Variants in CDH23 observed in about 807,000 individuals in gnomAD.
The protein encoded by CDH23 is cadherin-23.
CDH23 carries 189 observed loss-of-function variants against 317.1 expected under a neutral mutation model. The ratio of observed to expected loss-of-function variants is 0.60; its 90% CI spans 0.53 to 0.67. The LOEUF is 0.67. Among genes scored for constraint, CDH23 ranks in the 30% least tolerant of loss-of-function variants. The pLI is 0.00. For synonymous variants in CDH23, 1,839 were observed against 1,876.8 expected (o/e 0.98, Z 0.52); for missense variants, 4,401 against 4,592.4 (o/e 0.96, Z 1.20).
chr10:71,812,339 A>G, intron 66 of CDH23, 141 bp from the exon 67 acceptor site: 1 of 1,599,142 alleles, frequency 6.3e-7, no homozygotes. Context: ...CATGCACCAC[A>G]GGCACCAGGG....
At chr10:71,568,628 A>C (rs956339750) in intron 7 of CDH23, among the ~76,000 whole-genome samples, 2 of 151,952 alleles carry the variant, frequency 1.3e-5, no homozygotes, top group Non-Finnish European at 2.9e-5. Flanking sequence ...CTTCTGGAGG[A>C]GCTGACACCG....
chr10:71,509,460 A>G (rs546616724), intron 3 of CDH23, among the ~76,000 whole-genome samples: 1 of 152,306 alleles, frequency 6.6e-6, no homozygotes, highest in South Asian at 2.1e-4. Flanking sequence ...GTCTCTCCAT[A>G]CATCATTTGC....
chr10:71,739,451 A>G (rs1023779791), intron 35 of CDH23, among the ~76,000 whole-genome samples, 193 bp from the exon 36 acceptor site: 1 of 152,178 alleles, frequency 6.6e-6, no homozygotes, highest in East Asian at 1.9e-4. Flanking sequence ...CATGGGTGCT[A>G]CACTACCTCC....
chr10:71,575,368 C>T (rs761445936), intron 8 of CDH23, among the ~76,000 whole-genome samples: 5 of 152,040 alleles, frequency 3.3e-5, no homozygotes, highest in African/African-American at 4.8e-5. Flanking sequence ...TCACGTTTAT[C>T]GGCTGCTGAG....
At chr10:71,556,297 G>A (rs746473189) in intron 6 of CDH23, among the ~76,000 whole-genome samples, 4 of 152,140 alleles carry the variant, frequency 2.6e-5, no homozygotes, top group Non-Finnish European at 5.9e-5. Context: ...ATTGCAGGGG[G>A]CAGAGTTGAA....
rs1038347646 is a variant in CDH23, at chr10:71,615,584, C to A, written c.913C>A (p.Leu305Met). The change falls in exon 10 of 70, where the codon CTG (leucine) becomes ATG (methionine). Residue 305 changes from leucine to methionine, a missense_variant. Around this residue, in one of 3 missense-constraint regions of CDH23, gnomAD observed 3,068 missense variants for 3,203.3 expected, o/e 0.96. Transcript: ENST00000224721. ...TGGCCTGCTGGACCGGGAGAACCCC[C>A]TGTACAGCCATGGCTTCATCCTGAC... is the stretch of plus-strand genomic sequence containing the variant. ...LNGLLDRENP[L>M]YSHGFILTVK... 1 of 1,613,988 alleles carries A rather than the reference C, an allele frequency of 6.2e-7. No homozygotes were observed. Among genetic ancestry groups the A allele is most frequent in the Non-Finnish European group, 8.5e-7 (1 of 1,179,856 alleles).
At chr10:71,496,221 G>A (rs1243296354) in intron 3 of CDH23, among the ~76,000 whole-genome samples, 1 of 152,230 alleles carries the variant, frequency 6.6e-6, no homozygotes, top group African/African-American at 2.4e-5. Flanking sequence ...AGCTCTCCAG[G>A]TGATGCTAAT....
At chr10:71,812,443 T>TACCA in intron 66 of CDH23, 37 bp from the exon 67 acceptor site, 1 of 1,538,032 alleles carries the variant, frequency 6.5e-7, no homozygotes, top group East Asian at 2.3e-5. Flanking sequence ...ACTCGAGCCT[T>TACCA]CCCTCCCTCC....
chr10:71,673,542 C>T (rs894829319), intron 14 of CDH23, among the ~76,000 whole-genome samples: 2 of 152,238 alleles, frequency 1.3e-5, no homozygotes, highest in African/African-American at 4.8e-5. Flanking sequence ...GTGGTCTCCT[C>T]TCGCCTGGAA....
At chr10:71,459,911 T>C (rs986650964) in intron 3 of CDH23, among the ~76,000 whole-genome samples, 2 of 152,224 alleles carry the variant, frequency 1.3e-5, no homozygotes, top group Non-Finnish European at 2.9e-5. Flanking sequence ...CCAGCTCTTG[T>C]AGCTGGTCCT....
At position 71,751,901 on chromosome 10, in the gene CDH23, G is replaced by A. The variant is rs74649893; in HGVS notation, c.4845+9980G>A. The A allele has an allele frequency of 0.07, 107,281 of 1,536,294 alleles. 4,201 individuals are homozygous for A. Among genetic ancestry groups the A allele is most frequent in the South Asian group, 0.082 (6,528 of 80,016 alleles). ...GAATGGAAGGTCATCTGTGCTGTCC[G>A]GAGCGTGAACTCTGCCCTCCCTGCC... On this transcript the variant is annotated intron_variant, in intron 38 of 69. Transcript: ENST00000224721. The surrounding 1 kb of genome is among the most constrained non-coding windows in gnomAD (Gnocchi z 4.9).
In CDH23 at chr10:71,690,491, GC is replaced by G; in HGVS notation, c.2085del (p.Thr696GlnfsTer69). ...AGGAGCCACGGTGCTGTTCCTGAAT[GC>G]CACAGACCTGGACCGCTCCCGGGAG... The part of the protein sequence containing the change: ...MAGATVLFLN[A>X]TDLDRSREYG... On this transcript the variant is annotated frameshift_variant, in exon 20 of 70. Transcript: ENST00000224721. LOFTEE classifies it high-confidence loss of function. 1 of 1,609,306 alleles carries G rather than the reference GC, an allele frequency of 6.2e-7. No homozygotes were observed. The highest frequency in any genetic ancestry group is 8.5e-7 in the Non-Finnish European group (1 of 1,177,974).
chr10:71,637,905 C>A (rs1862353489), intron 11 of CDH23, among the ~76,000 whole-genome samples: 1 of 150,982 alleles, frequency 6.6e-6, no homozygotes, highest in Non-Finnish European at 1.5e-5. Flanking sequence ...ACCCTGCCTT[C>A]ACATGACCCT....
chr10:71,523,904 C>T (rs1317070364), intron 6 of CDH23, among the ~76,000 whole-genome samples: 1 of 152,232 alleles, frequency 6.6e-6, no homozygotes, highest in East Asian at 1.9e-4. Flanking sequence ...TTCTGTATTC[C>T]TGCACCTCCA....
rs564413865 is a variant in CDH23, at chr10:71,605,936, C to T, written c.833-9568C>T. 6.3e-4 allele frequency among the ~76,000 whole-genome samples: 96 copies of T among 152,312 alleles called. 1 individual carries two copies. Among genetic ancestry groups the T allele is most frequent in the African/African-American group, 2.3e-3 (95 of 41,570 alleles). On this transcript the variant is annotated intron_variant, in intron 9 of 69. Coordinates refer to ENST00000224721, the MANE Select transcript of CDH23 (RefSeq NM_022124.6). Reference sequence around the variant, plus strand: ...TAGGTTCTTATTTCAGCCATAGTCCCTGGTGATGTCTTTCTGGTCCCCATC... The same window carrying T: ...TAGGTTCTTATTTCAGCCATAGTCCTTGGTGATGTCTTTCTGGTCCCCATC...
Position 71,751,293 on chromosome 10 carries a change from G to A in CDH23, c.4845+9372G>A. The A allele has an allele frequency of 6.2e-7, 1 of 1,609,814 alleles. No homozygotes were observed. Among genetic ancestry groups the A allele is most frequent in the Non-Finnish European group, 8.5e-7 (1 of 1,177,712 alleles). ...GTTTGGAGAGTCAGGGACAGGGTCT[G>A]CAAGAAAAGGAGAAGCAAAGTGAAC... On this transcript the variant is annotated intron_variant, in intron 38 of 69. Coordinates refer to ENST00000224721, the MANE Select transcript of CDH23 (RefSeq NM_022124.6). This position sits in a 1 kb window ranked among gnomAD's most constrained non-coding sequence, Gnocchi z 4.9.
intron 11 of CDH23, among the ~76,000 whole-genome samples, chr10:71,628,776 G>A (rs931274259): frequency 2.0e-5 from 3 of 152,186 alleles, no homozygotes; most frequent in African/African-American, 4.8e-5. Context: ...GAGATTACAG[G>A]TGTGAACCAC....
At chr10:71,541,745 T>C (rs1394394739) in intron 6 of CDH23, among the ~76,000 whole-genome samples, 1 of 152,202 alleles carries the variant, frequency 6.6e-6, no homozygotes, top group Non-Finnish European at 1.5e-5. Flanking sequence ...TTGCAGGCCA[T>C]ATGGACTCTG....
At chr10:71,538,124 T>C (rs767465845) in intron 6 of CDH23, among the ~76,000 whole-genome samples, 2 of 152,180 alleles carry the variant, frequency 1.3e-5, no homozygotes, top group African/African-American at 2.4e-5. Flanking sequence ...CAGGTCTGCA[T>C]TGCTCCTGGC....
Sources: allele counts gnomAD v4.1 joint callset (sites outside exome capture counted in the v4.1 genomes callset), GRCh38; gene constraint gnomAD v4.1.1; regional missense constraint gnomAD v4.1.1; non-coding constraint Gnocchi (gnomAD v3.1); transcripts MANE v1.5; gene names NCBI Gene and HGNC (gene_info 2026-07-23, HGNC 2026-07-21).